DCC: variants seen among roughly 807,000 people sequenced by gnomAD.
DCC encodes the protein DCC netrin 1 receptor.
A neutral mutation model predicts 172.5 loss-of-function variants in DCC; 58 were observed. The observed-to-expected ratio is 0.34, with a 90% confidence interval of 0.27 to 0.42. DCC has a LOEUF of 0.42. Ranked by LOEUF, DCC falls within the 10% of genes least tolerant of loss-of-function variation. DCC has a pLI of 1.00. For missense variants in DCC, 1,740 were observed against 1,791.0 expected (o/e 0.97, Z 0.51); for synonymous variants, 709 against 644.5 (o/e 1.10, Z -1.52).
chr18:53,406,596 G>A lies in DCC; in HGVS notation c.2935+3703G>A, dbSNP rs570542210. On this transcript the variant is annotated intron_variant, in intron 19 of 28. Coordinates refer to ENST00000442544, the MANE Select transcript of DCC (RefSeq NM_005215.4). ...GCAGATGCCTGTAATCCCAGCTACTGGGGAGGCTGAGGCAGGATAATTGCT... is the reference window on the plus strand; with the variant it reads ...GCAGATGCCTGTAATCCCAGCTACTAGGGAGGCTGAGGCAGGATAATTGCT... Among the ~76,000 whole-genome samples the A allele has an allele frequency of 2.6e-5, 4 of 151,662 alleles. No individual in the cohort carries two copies. In the East Asian group the frequency reaches 7.8e-4, roughly 29 times the overall value.
At chr18:53,328,374 C>G (rs973855537) in intron 14 of DCC, among the ~76,000 whole-genome samples, 1 of 152,146 alleles carries the variant, frequency 6.6e-6, no homozygotes, top group Admixed American at 6.5e-5. Context: ...TGGTTTTTCT[C>G]ATGTGTAAAG....
intron 1 of DCC, among the ~76,000 whole-genome samples, chr18:52,698,268 T>G (rs1403163059): frequency 2.0e-5 from 3 of 152,218 alleles, no homozygotes; most frequent in African/African-American, 7.2e-5. Context: ...ACCTGCCATT[T>G]TTACTTGAAC....
At chr18:53,144,093 C>A (rs189008667) in intron 7 of DCC, among the ~76,000 whole-genome samples, 1 of 152,178 alleles carries the variant, frequency 6.6e-6, no homozygotes, top group African/African-American at 2.4e-5. Flanking sequence ...TACTTACCAC[C>A]TTCTTCTCTT....
At chr18:53,463,377 T>C (rs538360218) in intron 24 of DCC, among the ~76,000 whole-genome samples, 2 of 152,300 alleles carry the variant, frequency 1.3e-5, no homozygotes, top group Admixed American at 1.3e-4. Context: ...CGTTGCCAAT[T>C]TTGTAACAAA....
chr18:52,503,080 T>C (rs2031094112), intron 1 of DCC, among the ~76,000 whole-genome samples: 1 of 152,178 alleles, frequency 6.6e-6, no homozygotes, highest in Admixed American at 6.6e-5. Context: ...TCACAGAGGA[T>C]CTACTTTTAT....
chr18:53,312,434 G>A (rs987525831), intron 13 of DCC, among the ~76,000 whole-genome samples: 6 of 148,904 alleles, frequency 4.0e-5, no homozygotes, highest in African/African-American at 1.2e-4. Context: ...TTAAATAAAA[G>A]CTTTCCTGGC....
At chr18:53,340,047 T>TACACACACACACAC (rs151131015) in intron 15 of DCC, 140 bp downstream of exon 15, 93 of 592,228 alleles carry the variant, frequency 1.6e-4, no homozygotes, top group Middle Eastern at 1.3e-3. Context: ...ACTGTCTATC[T>TACACACACACACAC]ACACACACAC....
intron 7 of DCC, among the ~76,000 whole-genome samples, chr18:53,074,255 T>A (rs1165372030): frequency 6.6e-6 from 1 of 152,196 alleles, no homozygotes; most frequent in Non-Finnish European, 1.5e-5. Context: ...GCCAATTTCA[T>A]GTGCCATACT....
intron 1 of DCC, among the ~76,000 whole-genome samples, chr18:52,589,210 TG>T (rs1258629960): frequency 1.3e-5 from 2 of 152,182 alleles, no homozygotes; most frequent in Non-Finnish European, 2.9e-5. Context: ...TGAGACAGCT[TG>T]ACAAAAGCAA....
At chr18:52,875,326 T>C (rs1245221990) in intron 2 of DCC, among the ~76,000 whole-genome samples, 1 of 152,134 alleles carries the variant, frequency 6.6e-6, no homozygotes, top group Non-Finnish European at 1.5e-5. Flanking sequence ...TCTTCTCTAA[T>C]GTATTGCTGC....
chr18:53,231,619 G>T (rs1317260430), intron 12 of DCC, among the ~76,000 whole-genome samples: 3 of 151,938 alleles, frequency 2.0e-5, no homozygotes, highest in African/African-American at 4.8e-5. Flanking sequence ...TCAGGTCTGG[G>T]TTTTACATTT....
chr18:53,221,108 C>A (rs908427439), intron 12 of DCC, among the ~76,000 whole-genome samples: 4 of 151,838 alleles, frequency 2.6e-5, no homozygotes, highest in Admixed American at 6.6e-5. Flanking sequence ...CTTAATAGAT[C>A]CTTTTTTATT....
chr18:53,273,659 A>G (rs982316722), intron 12 of DCC, among the ~76,000 whole-genome samples: 12 of 152,156 alleles, frequency 7.9e-5, no homozygotes, highest in Middle Eastern at 3.4e-3. Context: ...ATGCCATTGA[A>G]AATATTGTTC....
At chr18:52,895,995 G>A (rs1195865150) in intron 2 of DCC, among the ~76,000 whole-genome samples, 1 of 152,120 alleles carries the variant, frequency 6.6e-6, no homozygotes, top group Non-Finnish European at 1.5e-5. Flanking sequence ...TTGTTGGCCA[G>A]GCTGGTCTCA....
chr18:53,405,564 TTA>T (rs796522770), intron 19 of DCC, among the ~76,000 whole-genome samples: 22 of 152,264 alleles, frequency 1.4e-4, no homozygotes, highest in African/African-American at 5.1e-4. Flanking sequence ...CTAATGTGCT[TTA>T]TACAGAATCC....
chr18:53,303,609 CCTGT>C (rs1298983722), intron 12 of DCC, among the ~76,000 whole-genome samples: 5 of 152,164 alleles, frequency 3.3e-5, no homozygotes, highest in South Asian at 2.1e-4. Flanking sequence ...ACCGGTGTGG[CCTGT>C]CTGTTTGGCT....
intron 5 of DCC, among the ~76,000 whole-genome samples, chr18:52,945,364 C>T (rs2040528004): frequency 6.6e-6 from 1 of 152,142 alleles, no homozygotes; most frequent in Admixed American, 6.5e-5. Context: ...TATATGAACA[C>T]AGTCTGCTTT....
At chr18:52,548,635 G>T (rs983383070) in intron 1 of DCC, among the ~76,000 whole-genome samples, 1 of 152,082 alleles carries the variant, frequency 6.6e-6, no homozygotes, top group Non-Finnish European at 1.5e-5. Context: ...TCGAAAACTG[G>T]GTTAGTGTAA....
Position 53,403,867 on chromosome 18 carries a change from G to A in DCC, c.2935+974G>A, listed in dbSNP as rs532179774. On this transcript the variant is annotated intron_variant, in intron 19 of 28. Coordinates refer to ENST00000442544, the MANE Select transcript of DCC (RefSeq NM_005215.4). ...GAATTTTGCAAAATGAAAAGATAAC[G>A]TGAAAATTCCAAATAGGATTGAAAT... Among the ~76,000 whole-genome samples, 166 of 152,256 alleles carry A rather than the reference G, an allele frequency of 1.1e-3. 3 individuals are homozygous for A. In the South Asian group the frequency reaches 0.032, roughly 29 times the overall value.
Sources: allele counts gnomAD v4.1 joint callset (sites outside exome capture counted in the v4.1 genomes callset), GRCh38; gene constraint gnomAD v4.1.1; transcripts MANE v1.5; gene names NCBI Gene and HGNC (gene_info 2026-07-23, HGNC 2026-07-21).